The following RTKN variants were observed in gnomAD, a reference collection of about 807,000 sequenced individuals.
RTKN encodes rhotekin.
A neutral mutation model predicts 63.5 loss-of-function variants in RTKN; 49 were observed. The ratio of observed to expected loss-of-function variants is 0.77; its 90% CI spans 0.61 to 0.98. The LOEUF (loss-of-function observed/expected upper bound fraction) is 0.98, where lower values mean the gene tolerates loss of function less well. RTKN is among the 50% of genes least tolerant of loss of function. The pLI, the probability that RTKN is intolerant of heterozygous loss-of-function variation, is 0.00. For synonymous variants in RTKN, 295 were observed against 290.4 expected (o/e 1.02, Z -0.16); for missense variants, 685 against 740.8 (o/e 0.92, Z 0.87).
chr2:74,434,554 G>A (rs113141674), intron 1 of RTKN, among the ~76,000 whole-genome samples: 6,993 of 152,014 alleles, frequency 0.046, 549 homozygotes, highest in African/African-American at 0.15. Context: ...TGCTGGGATT[G>A]CAGGTGTGAG....
At chr2:74,440,547 G>C (rs777168593) in intron 1 of RTKN, 2 of 986,028 alleles carry the variant, frequency 2.0e-6, no homozygotes, top group Middle Eastern at 5.2e-4. Context: ...CGGCCGCCAG[G>C]CCCTGCGGCT....
Position 74,440,591 on chromosome 2 carries a change from C to A in RTKN, c.111+1115G>T, listed in dbSNP as rs547327146. 18 of 984,980 alleles carry A rather than the reference C, an allele frequency of 1.8e-5. No homozygotes were observed. The African/African-American group carries it at 3.0e-4, about 16-fold the overall frequency. The allele number at this position is 984,980 out of a possible 1,614,324, so 61.0% of individuals were successfully genotyped here. A position where few individuals can be genotyped will look rare whatever the true frequency, so the allele number is the denominator to read the frequency against. ...GCTCCTCCGAGCTGTCCCCGAAGGCCGGGCTAATCCCAGGGGCGGCCCCAG... is the reference window on the plus strand; with the variant it reads ...GCTCCTCCGAGCTGTCCCCGAAGGCAGGGCTAATCCCAGGGGCGGCCCCAG... On this transcript the variant is annotated intron_variant, in intron 1 of 11. Transcript: ENST00000272430.
chr2:74,428,033 G>T, intron 9 of RTKN: 1 of 575,724 alleles, frequency 1.7e-6, no homozygotes. Flanking sequence ...ACCTGCAGGC[G>T]AGAGAACCCT....
At chr2:74,440,427 C>A (rs1671301803) in intron 1 of RTKN, 1 of 986,650 alleles carries the variant, frequency 1.0e-6, no homozygotes, top group African/African-American at 1.7e-5. Flanking sequence ...TCCCCGCTCC[C>A]TTCTGCAGGC....
chr2:74,430,031 C>T lies in RTKN; in HGVS notation c.552G>A (p.Glu184=). The T allele has an allele frequency of 1.2e-6, 2 of 1,614,212 alleles. No individual in the cohort carries two copies. The highest frequency in any genetic ancestry group is 1.7e-6 in the Non-Finnish European group (2 of 1,180,026). ...ISFQSNVLFA[E]AGPDFELRLE... is the part of the protein sequence containing the mutation. ...ACCGCAGTTCAAAGTCTGGCCCCGC[C>T]TCAGCGCTGGTGGGAGGAAGAAAGG... is the stretch of plus-strand genomic sequence containing the variant. Residue 184 remains glutamate, a synonymous_variant, in exon 6 of 12, where the codon GAG becomes GAA. Coordinates refer to ENST00000272430, the MANE Select transcript of RTKN (RefSeq NM_001015055.2).
Position 74,427,206 on chromosome 2 carries a change from T to C in RTKN, c.1323A>G (p.Gln441=). Residue 441 remains glutamine (Q), a synonymous_variant, in exon 11 of 12, where the codon CAA becomes CAG. Transcript: ENST00000272430. ...IETPAPRKPP[Q]ALAKQGSLYH... ...ACAAGGACCCCTGCTTTGCCAGTGC[T>C]TGGGGTGGTTTCCGGGGAGCAGGAG... 6.2e-7 allele frequency: 1 copy of C among 1,614,190 alleles called. No individual in the cohort carries two copies. Among genetic ancestry groups the C allele is most frequent in the Non-Finnish European group, 8.5e-7 (1 of 1,180,022 alleles).
intron 1 of RTKN, chr2:74,439,840 G>T (rs1671257035): frequency 7.3e-7 from 1 of 1,375,834 alleles, no homozygotes; most frequent in Admixed American, 2.9e-5. Flanking sequence ...GCTGCTCCGG[G>T]GCCCTGCCGG....
chr2:74,439,971 C>A, intron 1 of RTKN: 1 of 1,097,724 alleles, frequency 9.1e-7, no homozygotes, highest in Non-Finnish European at 1.1e-6. Flanking sequence ...GGCAGCTGTT[C>A]TCCCAGCTGT....
At chr2:74,431,444 G>A (rs1362098348) in intron 2 of RTKN, among the ~76,000 whole-genome samples, 1 of 152,162 alleles carries the variant, frequency 6.6e-6, no homozygotes, top group Non-Finnish European at 1.5e-5. Context: ...TGCCACTAAA[G>A]TAATTACTGA....
At chr2:74,433,253 A>AG (rs1670862218) in intron 1 of RTKN, among the ~76,000 whole-genome samples, 1 of 150,214 alleles carries the variant, frequency 6.7e-6, no homozygotes, top group African/African-American at 2.4e-5. Context: ...AAAAAAAAAA[A>AG]AAACATATAT....
chr2:74,428,755 G>T lies in RTKN; in HGVS notation c.851-18C>A. 1.2e-6 allele frequency: 2 copies of T among 1,611,080 alleles called. No homozygotes were observed. The highest frequency in any genetic ancestry group is 1.7e-6 in the Non-Finnish European group (2 of 1,177,762). The stretch of plus-strand genomic sequence containing the variant: ...GTTCTCCTCTGGGGGAGGAGGAAGT[G>T]CAGGGTGAGGTAGGGGAATGAGAAG... On this transcript the variant is annotated intron_variant, in intron 7 of 11. Transcript: ENST00000272430.
Position 74,436,115 on chromosome 2 carries a change from A to G in RTKN, c.112-3449T>C, listed in dbSNP as rs1279531978. On this transcript the variant is annotated intron_variant, in intron 1 of 11. Coordinates refer to ENST00000272430, the MANE Select transcript of RTKN (RefSeq NM_001015055.2). This position sits in a 1 kb window ranked among gnomAD's most constrained non-coding sequence, Gnocchi z 4.3. Reference sequence around the variant, plus strand: ...CAGCCACAAACATCCCAAATGGGTGAGCCTGGCAGGAGGGGGACACGGAGG... The same window carrying G: ...CAGCCACAAACATCCCAAATGGGTGGGCCTGGCAGGAGGGGGACACGGAGG... Among the ~76,000 whole-genome samples, 2 of 152,174 alleles carry G rather than the reference A, an allele frequency of 1.3e-5. No individual in the cohort carries two copies. Among genetic ancestry groups the G allele is most frequent in the Non-Finnish European group, 2.9e-5 (2 of 68,032 alleles).
At position 74,427,421 on chromosome 2, in the gene RTKN, TAC is replaced by T; in HGVS notation, c.1255+1_1255+2del. 2 of 1,614,086 alleles carry T rather than the reference TAC, an allele frequency of 1.2e-6. No individual in the cohort carries two copies. The highest frequency in any genetic ancestry group is 1.7e-6 in the Non-Finnish European group (2 of 1,180,004). On this transcript the variant is annotated splice_donor_variant, in intron 10 of 11. Transcript: ENST00000272430. LOFTEE classifies it high-confidence loss of function. ...GGTTCAACCCAGCCCCCTTCTCTCT[TAC>T]TCATGTCAAAGAAAAGCTGCCACAG...
rs1209999489 is a variant in RTKN, at chr2:74,428,416, T to A, written c.958-20A>T. 6 of 1,613,970 alleles carry A rather than the reference T, an allele frequency of 3.7e-6. No individual in the cohort carries two copies. The highest frequency in any genetic ancestry group is 2.7e-5 in the African/African-American group (2 of 74,886). On this transcript the variant is annotated intron_variant, in intron 8 of 11. Transcript: ENST00000272430. ...AGCTTGCTGCACAAATGACTCAACA[T>A]TTTCTGGGGAAGTCACGGCCCCCAG... is the stretch of plus-strand genomic sequence containing the variant.
rs1353879932 is a variant in RTKN at position 74,432,199 on chromosome 2, A to G, written c.311+268T>C. On this transcript the variant is annotated intron_variant, in intron 2 of 11. Transcript: ENST00000272430. The stretch of plus-strand genomic sequence containing the variant: ...GATCACAGACAGGGCTTAGCAAATT[A>G]GTGCTTTTGCATTACTTGCTACCCT... 6.5e-6 allele frequency: 4 copies of G among 613,442 alleles called. No homozygotes were observed. The African/African-American group carries it at 7.3e-5, about 11-fold the overall frequency. The allele number at this position is 613,442 out of a possible 1,614,324, so 38.0% of individuals were successfully genotyped here.
Position 74,428,628 on chromosome 2 carries a change from C to T in RTKN, c.957+3G>A. ...TCCCTTCCACTCCTCAGGGCCCCCT[C>T]ACCTGCACCCTGAGGGTACCACTTG... On this transcript the variant is annotated splice_donor_region_variant and intron_variant, in intron 8 of 11. Transcript: ENST00000272430. 6.2e-7 allele frequency: 1 copy of T among 1,611,800 alleles called. No individual in the cohort carries two copies.
chr2:74,428,463 A>G, intron 8 of RTKN, 67 bp from the exon 9 acceptor site: 3 of 1,611,080 alleles, frequency 1.9e-6, no homozygotes, highest in Non-Finnish European at 2.5e-6. Flanking sequence ...TCAGCCCCCC[A>G]TGAGAACCTG....
intron 10 of RTKN, 23 bp from the exon 11 acceptor site, chr2:74,427,296 AAG>A (rs967501742): frequency 1.2e-6 from 2 of 1,612,478 alleles, no homozygotes; most frequent in African/African-American, 1.3e-5. Flanking sequence ...CGCTGATTAA[AAG>A]AGAGAGCCAG....
chr2:74,432,534 T>C lies in RTKN; in HGVS notation c.244A>G (p.Ile82Val). ...TKSLLVCNSRILSYMGELQRR... is the reference protein window; with the variant it reads ...TKSLLVCNSRVLSYMGELQRR... The stretch of plus-strand genomic sequence containing the variant: ...TGCAGCTCGCCCATGTAGCTGAGGA[T>C]GCGGCTGTTGCACACTAGCAGGCTC... Residue 82 changes from isoleucine (I) to valine (V), a missense_variant, in exon 2 of 12, where the codon ATC becomes GTC. Coordinates refer to ENST00000272430, the MANE Select transcript of RTKN (RefSeq NM_001015055.2). 1 of 1,613,996 alleles carries C rather than the reference T, an allele frequency of 6.2e-7. No individual in the cohort carries two copies. The highest frequency in any genetic ancestry group is 8.5e-7 in the Non-Finnish European group (1 of 1,180,026).
Sources: allele counts gnomAD v4.1 joint callset (sites outside exome capture counted in the v4.1 genomes callset), GRCh38; gene constraint gnomAD v4.1.1; non-coding constraint Gnocchi (gnomAD v3.1); transcripts MANE v1.5; gene names NCBI Gene and HGNC (gene_info 2026-07-23, HGNC 2026-07-21).